The following DPF3 variants were observed in gnomAD, a reference collection of about 807,000 sequenced individuals.
The protein encoded by DPF3 is zinc finger protein DPF3.
Under a neutral mutation model 56.8 loss-of-function variants are expected in DPF3, and 18 were observed. The observed-to-expected ratio is 0.32, with a 90% CI of 0.22 to 0.47. The LOEUF is 0.47. DPF3 is among the 20% of genes least tolerant of loss of function. DPF3 has a pLI of 1.00. For missense variants in DPF3, 403 were observed against 488.8 expected (o/e 0.82, Z 1.65); for synonymous variants, 188 against 180.2 (o/e 1.04, Z -0.35).
intron 2 of DPF3, among the ~76,000 whole-genome samples, chr14:72,768,834 G>A (rs1461025839): frequency 6.6e-6 from 1 of 151,408 alleles, no homozygotes; most frequent in African/African-American, 2.4e-5. Context: ...ATACCCTAAG[G>A]ACAAAAAGAC....
intron 1 of DPF3, among the ~76,000 whole-genome samples, chr14:72,772,935 G>C (rs1403014112): frequency 6.6e-6 from 1 of 152,112 alleles, no homozygotes; most frequent in Non-Finnish European, 1.5e-5. Flanking sequence ...AGTAGGAAGG[G>C]AAGGAGCCAC....
At chr14:72,768,024 T>C (rs1053381098) in intron 2 of DPF3, among the ~76,000 whole-genome samples, 4 of 152,174 alleles carry the variant, frequency 2.6e-5, no homozygotes, top group East Asian at 3.8e-4. Flanking sequence ...ATAAAAGGAC[T>C]ATCAACTCAG....
At chr14:72,745,176 T>C (rs1262278430) in intron 3 of DPF3, among the ~76,000 whole-genome samples, 1 of 152,190 alleles carries the variant, frequency 6.6e-6, no homozygotes, top group African/African-American at 2.4e-5. Flanking sequence ...TCCATAAATT[T>C]AAAGAGATGC....
At chr14:72,890,362 G>A (rs766272277) in intron 1 of DPF3, among the ~76,000 whole-genome samples, 30 of 151,842 alleles carry the variant, frequency 2.0e-4, no homozygotes, top group Admixed American at 9.9e-4. Context: ...GTAGTGGTGC[G>A]CGCCTGTAAT....
chr14:72,700,139 A>G (rs1888095697), intron 6 of DPF3, among the ~76,000 whole-genome samples: 1 of 152,214 alleles, frequency 6.6e-6, no homozygotes, highest in Admixed American at 6.5e-5. Flanking sequence ...GCTTCATCAC[A>G]ATGGAAAGAA....
chr14:72,843,359 A>C (rs1439404779), intron 1 of DPF3, among the ~76,000 whole-genome samples: 2 of 152,154 alleles, frequency 1.3e-5, no homozygotes, highest in Non-Finnish European at 2.9e-5. Context: ...TTAAAAAAAA[A>C]CTTGTTTTGA....
intron 1 of DPF3, among the ~76,000 whole-genome samples, chr14:72,778,181 C>G (rs917448460): frequency 1.3e-5 from 2 of 152,168 alleles, no homozygotes; most frequent in Admixed American, 6.5e-5. Context: ...ATTATTTAAG[C>G]CAGGGGTCCC....
intron 1 of DPF3, among the ~76,000 whole-genome samples, chr14:72,824,853 T>C (rs1037473682): frequency 3.3e-5 from 5 of 151,882 alleles, no homozygotes; most frequent in Non-Finnish European, 5.9e-5. Context: ...ATTACAGGCG[T>C]GAGCTACCAC....
intron 3 of DPF3, among the ~76,000 whole-genome samples, chr14:72,735,018 G>T (rs1419149707): frequency 1.3e-5 from 2 of 152,158 alleles, no homozygotes; most frequent in African/African-American, 4.8e-5. Flanking sequence ...TAGAGGTTGA[G>T]AACTTGCTTG....
chr14:72,707,755 C>T (rs1305924525), intron 6 of DPF3, among the ~76,000 whole-genome samples: 1 of 151,022 alleles, frequency 6.6e-6, no homozygotes, highest in Non-Finnish European at 1.5e-5. Context: ...AAAACAAATA[C>T]AGCAAAAAAT....
At chr14:72,694,359 C>T (rs1257787149) in intron 6 of DPF3, among the ~76,000 whole-genome samples, 1 of 152,226 alleles carries the variant, frequency 6.6e-6, no homozygotes, top group African/African-American at 2.4e-5. Context: ...TTCTAAAAGA[C>T]TTCTCCCTTG....
intron 1 of DPF3, among the ~76,000 whole-genome samples, chr14:72,866,547 GT>G (rs1247769615): frequency 6.6e-6 from 1 of 150,552 alleles, no homozygotes; most frequent in Non-Finnish European, 1.5e-5. Flanking sequence ...ACTCCTTGGA[GT>G]TTTCTCATCG....
At chr14:72,690,204 G>A (rs1887613646) in intron 7 of DPF3, among the ~76,000 whole-genome samples, 2 of 152,316 alleles carry the variant, frequency 1.3e-5, no homozygotes, top group African/African-American at 4.8e-5. Context: ...AGGGGAGACA[G>A]GCACAGCTTC....
intron 1 of DPF3, among the ~76,000 whole-genome samples, chr14:72,889,879 C>G (rs1486876057): frequency 6.6e-6 from 1 of 152,192 alleles, no homozygotes; most frequent in Non-Finnish European, 1.5e-5. Context: ...AGTTTCAATA[C>G]AATCACGTAT....
chr14:72,623,894 CATAAAATGTATAA>C (rs1250287634), intron 9 of DPF3, among the ~76,000 whole-genome samples: 6 of 152,004 alleles, frequency 3.9e-5, no homozygotes, highest in Non-Finnish European at 8.8e-5. Context: ...AGGTCTGGAG[CATAAAATGTATAA>C]ATATATTTAC....
At chr14:72,674,712 C>T (rs1440481144) in intron 7 of DPF3, among the ~76,000 whole-genome samples, 1 of 152,212 alleles carries the variant, frequency 6.6e-6, no homozygotes, top group Admixed American at 6.5e-5. Flanking sequence ...GCCCTGTGGG[C>T]CCAGGCCCCA....
At chr14:72,825,746 A>G (rs997932616) in intron 1 of DPF3, among the ~76,000 whole-genome samples, 4 of 145,474 alleles carry the variant, frequency 2.7e-5, no homozygotes, top group Admixed American at 2.0e-4. Context: ...CCCTAGATAC[A>G]CCTATCACAG....
intron 8 of DPF3, chr14:72,670,333 AG>A: frequency 1.0e-6 from 1 of 986,388 alleles, no homozygotes; most frequent in Non-Finnish European, 1.2e-6. Flanking sequence ...AGGAAAAACC[AG>A]CAATAACAAA....
At chr14:72,700,920 C>T (rs1250138401) in intron 6 of DPF3, among the ~76,000 whole-genome samples, 1 of 152,154 alleles carries the variant, frequency 6.6e-6, no homozygotes, top group East Asian at 1.9e-4. Flanking sequence ...TCAAAGTGGC[C>T]CAACAAAGAG....
Sources: allele counts gnomAD v4.1 joint callset (sites outside exome capture counted in the v4.1 genomes callset), GRCh38; gene constraint gnomAD v4.1.1; transcripts MANE v1.5; gene names NCBI Gene and HGNC (gene_info 2026-07-23, HGNC 2026-07-21).